The following ATRN variants were observed in gnomAD, a reference collection of about 807,000 sequenced individuals.
ATRN encodes the protein attractin.
In ATRN, 54 loss-of-function variants were observed where a neutral mutation model predicts 178.7. The observed-to-expected ratio is 0.30, with a 90% CI of 0.24 to 0.38. The LOEUF is 0.38. Among genes scored for constraint, ATRN ranks in the 10% least tolerant of loss-of-function variants. ATRN has a pLI of 1.00. For missense variants in ATRN, 1,443 were observed against 1,815.1 expected, an observed-to-expected ratio of 0.79 and a Z score of 3.73; for synonymous variants, 636 against 663.0, an observed-to-expected ratio of 0.96 and a Z score of 0.63.
intron 2 of ATRN, among the ~76,000 whole-genome samples, chr20:3,538,646 T>C (rs2085574786): frequency 6.6e-6 from 1 of 152,178 alleles, no homozygotes; most frequent in African/African-American, 2.4e-5. Context: ...TCCCTACATT[T>C]AGCCTGTCAG....
chr20:3,498,655 G>A (rs1600035477), intron 1 of ATRN, among the ~76,000 whole-genome samples: 1 of 152,102 alleles, frequency 6.6e-6, no homozygotes, highest in Non-Finnish European at 1.5e-5. Context: ...AAAACTCTCA[G>A]TAAATTAGGT....
chr20:3,614,959 G>A (rs1807384594), intron 24 of ATRN, among the ~76,000 whole-genome samples: 1 of 152,056 alleles, frequency 6.6e-6, no homozygotes, highest in South Asian at 2.1e-4. Context: ...CCTTGTCATA[G>A]CTGAATAATC....
rs1030223111 is a variant in ATRN at position 3,490,239 on chromosome 20, C to G, written c.410+18722C>G. 3.3e-6 allele frequency: 5 copies of G among 1,512,446 alleles called. No homozygotes were observed. The African/African-American group carries it at 6.9e-5, about 21-fold the overall frequency. 93.7% of individuals were successfully genotyped at this position (1,512,446 alleles called of 1,614,324 possible). ...GCTAAGAGAGCAGATTTCAATCTGT[C>G]CAAACCCAGAGAGGCCAACTCCTCC... On this transcript the variant is annotated intron_variant, in intron 1 of 28. Transcript: ENST00000262919.
intron 1 of ATRN, among the ~76,000 whole-genome samples, chr20:3,497,135 T>C (rs1282512429): frequency 6.7e-6 from 1 of 149,802 alleles, no homozygotes; most frequent in East Asian, 2.0e-4. Context: ...TCTGTGTCTT[T>C]TAATTGGAGC....
At chr20:3,584,970 C>T in intron 18 of ATRN, 90 bp downstream of exon 18, 4 of 1,231,556 alleles carry the variant, frequency 3.2e-6, no homozygotes, top group South Asian at 1.3e-5. Context: ...ATATGTAACT[C>T]CCTGCCCTCA....
chr20:3,617,081 CAACTTTTAT>C (rs1013556445), intron 24 of ATRN, among the ~76,000 whole-genome samples: 1 of 152,112 alleles, frequency 6.6e-6, no homozygotes, highest in Non-Finnish European at 1.5e-5. Flanking sequence ...TTCTTTTTTA[CAACTTTTAT>C]AACTTTTATA....
chr20:3,498,529 T>C (rs2084911997), intron 1 of ATRN, among the ~76,000 whole-genome samples: 1 of 151,818 alleles, frequency 6.6e-6, no homozygotes, highest in Non-Finnish European at 1.5e-5. Context: ...TGGTTCAATA[T>C]ACGCAAATCA....
intron 24 of ATRN, among the ~76,000 whole-genome samples, chr20:3,615,557 C>CTTT (rs553919921): frequency 1.5e-5 from 2 of 133,262 alleles, no homozygotes; most frequent in African/African-American, 2.7e-5. Flanking sequence ...TTTCTTTTTT[C>CTTT]TTTTTTTTTT....
At chr20:3,511,412 A>C (rs568263390) in intron 1 of ATRN, among the ~76,000 whole-genome samples, 4 of 152,246 alleles carry the variant, frequency 2.6e-5, no homozygotes, top group South Asian at 2.1e-4. Flanking sequence ...AGACACTGAC[A>C]AAATCAGGAG....
intron 1 of ATRN, among the ~76,000 whole-genome samples, chr20:3,484,226 A>G (rs1380619539): frequency 6.6e-6 from 1 of 151,596 alleles, no homozygotes; most frequent in Non-Finnish European, 1.5e-5. Context: ...TCTATCCTGG[A>G]TGACAGAGAG....
chr20:3,552,211 C>T (rs1860167331), intron 6 of ATRN, among the ~76,000 whole-genome samples: 1 of 152,140 alleles, frequency 6.6e-6, no homozygotes, highest in Admixed American at 6.5e-5. Flanking sequence ...AACCCTTGGT[C>T]CATTGCTGCC....
intron 1 of ATRN, among the ~76,000 whole-genome samples, chr20:3,529,977 A>G (rs560870946): frequency 1.3e-3 from 191 of 152,174 alleles, no homozygotes; most frequent in African/African-American, 4.4e-3. Flanking sequence ...TGATAAGTAA[A>G]GCTGAAAATA....
chr20:3,603,538 G>T (rs890301865), intron 23 of ATRN, among the ~76,000 whole-genome samples: 3 of 150,476 alleles, frequency 2.0e-5, no homozygotes, highest in Non-Finnish European at 4.4e-5. Context: ...TGCCTAGGCT[G>T]GAGTGCAATG....
At chr20:3,628,159 G>A (rs867385952) in intron 25 of ATRN, among the ~76,000 whole-genome samples, 1 of 152,142 alleles carries the variant, frequency 6.6e-6, no homozygotes, top group Non-Finnish European at 1.5e-5. Context: ...GCAACAGTGC[G>A]AGACTCCATC....
chr20:3,566,904 CAAAAAAAAA>C lies in ATRN; in HGVS notation c.1871+1484_1871+1492del, dbSNP rs33920660. ...CCTGGGCGACAGCGAGACTCCATCT[CAAAAAAAAA>C]AAAAAAAAAAAGGAAAAGTGAGAAG... On this transcript the variant is annotated intron_variant, in intron 11 of 28. Transcript: ENST00000262919. 6.9e-5 allele frequency among the ~76,000 whole-genome samples: 6 copies of C among 86,466 alleles called. No individual in the cohort carries two copies. In the East Asian group the frequency reaches 1.3e-3, roughly 18 times the overall value. The allele number at this position is 86,466 out of a possible 152,430, so 56.7% of individuals were successfully genotyped here.
intron 19 of ATRN, 91 bp downstream of exon 19, chr20:3,591,397 C>G (rs2086440393): frequency 6.9e-7 from 1 of 1,449,146 alleles, no homozygotes; most frequent in Non-Finnish European, 9.4e-7. Flanking sequence ...AAAAAAGCCA[C>G]TTTGTTTTGG....
rs1244208832 is a variant in ATRN at position 3,596,250 on chromosome 20, T to C, written c.3417-127T>C. 17 of 946,008 alleles carry C rather than the reference T, an allele frequency of 1.8e-5. No homozygotes were observed. In the Admixed American group the frequency reaches 2.3e-4, roughly 13 times the overall value. The allele number at this position is 946,008 out of a possible 1,614,324, so 58.6% of individuals were successfully genotyped here. A position where few individuals can be genotyped will look rare whatever the true frequency, so the allele number is the denominator to read the frequency against. ...TTCCTAGACTGCCTGAGCTGAGTTA[T>C]GGTGAAGGATGCAATTATAATGGCT... On this transcript the variant is annotated intron_variant, in intron 20 of 28. Coordinates refer to ENST00000262919, the MANE Select transcript of ATRN (RefSeq NM_139321.3).
intron 18 of ATRN, among the ~76,000 whole-genome samples, chr20:3,590,359 G>A (rs1401603867): frequency 1.3e-5 from 2 of 152,188 alleles, no homozygotes; most frequent in Non-Finnish European, 2.9e-5. Context: ...GATCAACCAA[G>A]GCAGATCTGA....
At chr20:3,483,025 C>G (rs112836909) in intron 1 of ATRN, among the ~76,000 whole-genome samples, 2 of 152,254 alleles carry the variant, frequency 1.3e-5, no homozygotes, top group African/African-American at 4.8e-5. Context: ...TGTTACCACC[C>G]CTTCTTAATC....
Sources: allele counts gnomAD v4.1 joint callset (sites outside exome capture counted in the v4.1 genomes callset), GRCh38; gene constraint gnomAD v4.1.1; transcripts MANE v1.5; gene names NCBI Gene and HGNC (gene_info 2026-07-23, HGNC 2026-07-21).